The following MYO1H variants were observed in gnomAD, a reference collection of about 807,000 sequenced individuals.
MYO1H encodes the protein myosin IH.
Under a neutral mutation model 149.3 loss-of-function variants are expected in MYO1H, and 118 were observed. That is an observed-to-expected ratio of 0.79 (90% CI 0.68 to 0.92). MYO1H has a LOEUF of 0.92. Among genes scored for constraint, MYO1H ranks in the 40% least tolerant of loss-of-function variants. The pLI, the probability that MYO1H is intolerant of heterozygous loss-of-function variation, is 0.00. For synonymous variants in MYO1H, 447 were observed against 465.2 expected, an observed-to-expected ratio of 0.96 and a Z score of 0.50; for missense variants, 1,212 against 1,280.7, an observed-to-expected ratio of 0.95 and a Z score of 0.82.
the MYO1H span, among the ~76,000 whole-genome samples, chr12:109,341,120 G>A: frequency 2.7e-5 from 4 of 149,456 alleles, no homozygotes; most frequent in Admixed American, 6.8e-5. Context: ...TCTGGGAGGC[G>A]GAGGTTGCAG....
At chr12:109,378,325 T>G (rs1233313127) in intron 1 of MYO1H, among the ~76,000 whole-genome samples, 1 of 148,346 alleles carries the variant, frequency 6.7e-6, no homozygotes, top group Non-Finnish European at 1.5e-5. Context: ...TTTTATTTAT[T>G]TATTTATTTT....
intron 22 of MYO1H, 117 bp from the exon 23 acceptor site, chr12:109,438,417 AAC>A: frequency 1.3e-6 from 1 of 749,446 alleles, no homozygotes; most frequent in Non-Finnish European, 2.3e-6. Context: ...CTCTGAGGCT[AAC>A]AGAGTGCTGC....
At chr12:109,423,923 G>T (rs997154686) in intron 16 of MYO1H, among the ~76,000 whole-genome samples, 2 of 152,024 alleles carry the variant, frequency 1.3e-5, no homozygotes, top group African/African-American at 4.8e-5. Flanking sequence ...AAAAATACAC[G>T]CACAGGGGCG....
intron 6 of MYO1H, among the ~76,000 whole-genome samples, chr12:109,403,361 T>G (rs1870244721): frequency 6.6e-6 from 1 of 152,204 alleles, no homozygotes; most frequent in Non-Finnish European, 1.5e-5. Context: ...TTCAGATAAT[T>G]AGGAAACTAG....
intron 10 of MYO1H, among the ~76,000 whole-genome samples, chr12:109,409,024 C>T (rs959830143): frequency 2.6e-5 from 4 of 152,048 alleles, no homozygotes; most frequent in African/African-American, 9.7e-5. Context: ...CTCCTGGCCA[C>T]AAGTGATCCG....
At chr12:109,355,648 A>G (rs537110985) in intron 1 of MYO1H, among the ~76,000 whole-genome samples, 1 of 152,028 alleles carries the variant, frequency 6.6e-6, no homozygotes, top group African/African-American at 2.4e-5. Context: ...TGAGAACCAC[A>G]GCCTTAGGTT....
upstream of MYO1H, chr12:109,347,758 G>C (rs560961325): frequency 1.5e-5 from 6 of 390,072 alleles, no homozygotes; most frequent in African/African-American, 1.2e-4. Context: ...GGAGCAGCCC[G>C]GTGTGCCTAC....
At chr12:109,393,601 A>C (rs963079360) in intron 3 of MYO1H, among the ~76,000 whole-genome samples, 155 bp downstream of exon 3, 1 of 151,338 alleles carries the variant, frequency 6.6e-6, no homozygotes, top group Non-Finnish European at 1.5e-5. Context: ...TCATCCACCT[A>C]TCCATCCACC....
chr12:109,378,162 C>T (rs1869124058), intron 1 of MYO1H, among the ~76,000 whole-genome samples: 1 of 152,104 alleles, frequency 6.6e-6, no homozygotes, highest in African/African-American at 2.4e-5. Context: ...GTTGTGCAGT[C>T]ATCACCACAC....
the MYO1H span, among the ~76,000 whole-genome samples, chr12:109,313,259 C>CA: frequency 1.3e-5 from 2 of 151,382 alleles, no homozygotes; most frequent in East Asian, 1.9e-4. Flanking sequence ...AAAAACAAAC[C>CA]AAAAAAAACC....
upstream of MYO1H, among the ~76,000 whole-genome samples, chr12:109,343,422 C>A (rs962113644): frequency 1.3e-5 from 2 of 152,080 alleles, no homozygotes; most frequent in Non-Finnish European, 2.9e-5. Flanking sequence ...ATACTTGGGT[C>A]AACAAAAAAA....
At chr12:109,346,718 T>C (rs191617161), upstream of MYO1H, among the ~76,000 whole-genome samples, 177 of 152,248 alleles carry the variant, frequency 1.2e-3, no homozygotes, top group Non-Finnish European at 6.3e-4. Context: ...ACTGAGATCC[T>C]GCCATTGTGC....
At chr12:109,382,744 G>T (rs1869230769) in intron 1 of MYO1H, among the ~76,000 whole-genome samples, 1 of 151,682 alleles carries the variant, frequency 6.6e-6, no homozygotes, top group Non-Finnish European at 1.5e-5. Context: ...AGCTGGAATA[G>T]GGGAAGGCAT....
At chr12:109,393,249 G>T in intron 2 of MYO1H, 82 bp from the exon 3 acceptor site, 3 of 835,368 alleles carry the variant, frequency 3.6e-6, no homozygotes, top group South Asian at 1.5e-5. Flanking sequence ...CCTCCATGTG[G>T]AATGAACACA....
chr12:109,443,379 C>T, intron 27 of MYO1H, 135 bp from the exon 28 acceptor site: 1 of 816,286 alleles, frequency 1.2e-6, no homozygotes, highest in South Asian at 1.8e-5. Flanking sequence ...CACACACACA[C>T]ACACACACAC....
chr12:109,332,142 T>C, the MYO1H span, among the ~76,000 whole-genome samples: 6 of 152,240 alleles, frequency 3.9e-5, no homozygotes, highest in East Asian at 1.2e-3. Flanking sequence ...AGTAGGATTT[T>C]CATGAACCTC....
the MYO1H span, among the ~76,000 whole-genome samples, chr12:109,315,769 A>G: frequency 2.6e-5 from 4 of 152,216 alleles, no homozygotes; most frequent in African/African-American, 7.2e-5. Flanking sequence ...TTCTTGGAAC[A>G]TGTCTTTCTT....
chr12:109,324,639 T>G, the MYO1H span, among the ~76,000 whole-genome samples: 2 of 152,182 alleles, frequency 1.3e-5, no homozygotes, highest in African/African-American at 4.8e-5. Flanking sequence ...CTGATTTCTT[T>G]CTACATTTGT....
chr12:109,440,529 T>G (rs2135600390), intron 24 of MYO1H: 1 of 531,238 alleles, frequency 1.9e-6, no homozygotes, highest in Middle Eastern at 5.0e-4. Flanking sequence ...AGGTGAGTCA[T>G]AAACATATTC....
Sources: allele counts gnomAD v4.1 joint callset (sites outside exome capture counted in the v4.1 genomes callset), GRCh38; gene constraint gnomAD v4.1.1; transcripts MANE v1.5; gene names NCBI Gene and HGNC (gene_info 2026-07-23, HGNC 2026-07-21).